Variants in FAR1 observed in about 807,000 individuals in gnomAD.
The protein encoded by FAR1 is fatty acyl-CoA reductase 1, also known as male sterility domain-containing protein 2.
Under a neutral mutation model 61.1 loss-of-function variants are expected in FAR1, and 22 were observed. That is an observed-to-expected ratio of 0.36 (90% CI 0.26 to 0.51). FAR1 has a LOEUF of 0.51. FAR1 is among the 20% of genes least tolerant of loss of function. The probability of loss-of-function intolerance (pLI) is 0.95; values close to 1 mark genes in which losing one functional copy is unlikely to be tolerated. For synonymous variants in FAR1, 206 were observed against 209.7 expected (o/e 0.98, Z 0.15); for missense variants, 359 against 626.9 (o/e 0.57, Z 4.56).
chr11:13,700,291 AAAT>A (rs775981545), intron 2 of FAR1, 23 bp from the exon 3 acceptor site: 9 of 1,537,056 alleles, frequency 5.9e-6, no homozygotes, highest in Non-Finnish European at 7.9e-6. Context: ...TACTGCTGTA[AAAT>A]AAATATTTTT....
intron 1 of FAR1, among the ~76,000 whole-genome samples, chr11:13,686,139 G>A (rs945709921): frequency 9.2e-5 from 14 of 152,296 alleles, no homozygotes; most frequent in Admixed American, 6.5e-4. Context: ...CCGTATAGAC[G>A]TGCTGAGGGA....
intron 10 of FAR1, among the ~76,000 whole-genome samples, chr11:13,725,589 T>A (rs1367671598): frequency 6.6e-6 from 1 of 152,196 alleles, no homozygotes; most frequent in Non-Finnish European, 1.5e-5. Flanking sequence ...TTATTTACTA[T>A]TTATCAAATT....
At chr11:13,703,585 T>C (rs1205570070) in intron 3 of FAR1, among the ~76,000 whole-genome samples, 2 of 152,080 alleles carry the variant, frequency 1.3e-5, no homozygotes, top group African/African-American at 4.8e-5. Context: ...AAAATAACCA[T>C]AATGTAGGAT....
chr11:13,727,741 T>A, intron 11 of FAR1, 58 bp downstream of exon 11: 1 of 1,496,934 alleles, frequency 6.7e-7, no homozygotes, highest in Non-Finnish European at 8.9e-7. Context: ...TATTCCACAA[T>A]TTTTTTGGTA....
At chr11:13,698,093 C>A (rs561080039) in intron 2 of FAR1, among the ~76,000 whole-genome samples, 1 of 152,278 alleles carries the variant, frequency 6.6e-6, no homozygotes, top group African/African-American at 2.4e-5. Flanking sequence ...TGAACTTAGA[C>A]CCACAAAGCC....
Position 13,721,645 on chromosome 11 carries a change from A to AG in FAR1, c.1128-80dup. ...ATTTTAATACTAATGTCTATATTAT[A>AG]GGGGGAAACTTGCACCCTGGGTGGT... On this transcript the variant is annotated intron_variant, in intron 9 of 11. Transcript: ENST00000354817. The surrounding 1 kb of genome is among the most constrained non-coding windows in gnomAD (Gnocchi z 4.2). 2.0e-6 allele frequency: 2 copies of AG among 1,022,740 alleles called. No homozygotes were observed. Among genetic ancestry groups the AG allele is most frequent in the Non-Finnish European group, 1.5e-6 (1 of 688,508 alleles). 63.4% of individuals were successfully genotyped at this position (1,022,740 alleles called of 1,614,324 possible).
chr11:13,708,196 A>C, intron 4 of FAR1, 117 bp downstream of exon 4: 4 of 619,540 alleles, frequency 6.5e-6, no homozygotes, highest in Non-Finnish European at 9.9e-6. Flanking sequence ...ACCCCATCTC[A>C]CTAAAAATAC....
chr11:13,708,422 C>T (rs543922796), intron 4 of FAR1, among the ~76,000 whole-genome samples: 154 of 144,672 alleles, frequency 1.1e-3, no homozygotes, highest in African/African-American at 3.6e-3. Flanking sequence ...CTCACCCCAC[C>T]CCATATACAT....
chr11:13,693,359 CT>C (rs915982651), intron 1 of FAR1, among the ~76,000 whole-genome samples: 1 of 152,086 alleles, frequency 6.6e-6, no homozygotes, highest in African/African-American at 2.4e-5. Flanking sequence ...ATGCTTTTTT[CT>C]TTTGTTTGTT....
intron 1 of FAR1, among the ~76,000 whole-genome samples, chr11:13,678,835 CTGCCTTGG>C (rs1565338513): frequency 3.9e-5 from 6 of 152,118 alleles, no homozygotes; most frequent in African/African-American, 1.4e-4. Flanking sequence ...ACCACAAATG[CTGCCTTGG>C]AGGACTGAGT....
intron 2 of FAR1, among the ~76,000 whole-genome samples, chr11:13,699,636 T>C (rs1848348253): frequency 6.6e-6 from 1 of 152,214 alleles, no homozygotes; most frequent in Non-Finnish European, 1.5e-5. Flanking sequence ...TGACTCACAA[T>C]TGAATATGCC....
At position 13,694,902 on chromosome 11, in the gene FAR1, A is replaced by G; in HGVS notation, c.137A>G (p.Gln46Arg). ...KVNSVYVLVRQKAGQTPQERV... is the reference protein window; with the variant it reads ...KVNSVYVLVRRKAGQTPQERV... ...AATTCAGTATATGTTTTGGTGAGGCAGAAAGCTGGACAGACACCACAAGAG... is the reference window on the plus strand; with the variant it reads ...AATTCAGTATATGTTTTGGTGAGGCGGAAAGCTGGACAGACACCACAAGAG... The change falls in exon 2 of 12, where the codon CAG becomes CGG. Residue 46 changes from glutamine (Q) to arginine (R), a missense_variant. By Grantham distance (43) the Gln-to-Arg change is conservative. This residue lies in a region of FAR1 where 344 missense variants were observed against 570.3 expected (regional missense o/e 0.60). Transcript: ENST00000354817. The G allele has an allele frequency of 6.2e-7, 1 of 1,614,094 alleles. No individual in the cohort carries two copies. The highest frequency in any genetic ancestry group is 8.5e-7 in the Non-Finnish European group (1 of 1,179,956).
chr11:13,703,119 C>G (rs1277489453), intron 3 of FAR1, among the ~76,000 whole-genome samples: 1 of 152,190 alleles, frequency 6.6e-6, no homozygotes, highest in Non-Finnish European at 1.5e-5. Context: ...GTCAGACACT[C>G]TATAATACTC....
intron 1 of FAR1, among the ~76,000 whole-genome samples, chr11:13,682,883 A>T (rs1297684108): frequency 1.3e-5 from 2 of 151,642 alleles, no homozygotes; most frequent in African/African-American, 2.4e-5. Flanking sequence ...CAGTGCCGGG[A>T]TTACAGGCAT....
chr11:13,678,485 C>T (rs1295749570), intron 1 of FAR1, among the ~76,000 whole-genome samples: 11 of 152,090 alleles, frequency 7.2e-5, no homozygotes, highest in African/African-American at 2.4e-4. Context: ...AGGACGGTCT[C>T]GATCTCCTGA....
At chr11:13,686,204 T>TGA (rs938878478) in intron 1 of FAR1, among the ~76,000 whole-genome samples, 1 of 152,186 alleles carries the variant, frequency 6.6e-6, no homozygotes, top group Non-Finnish European at 1.5e-5. Flanking sequence ...TCTGAAGGCA[T>TGA]GAGAGAGAGA....
intron 1 of FAR1, among the ~76,000 whole-genome samples, chr11:13,683,010 T>A (rs1848145336): frequency 6.6e-6 from 1 of 152,202 alleles, no homozygotes; most frequent in Non-Finnish European, 1.5e-5. Flanking sequence ...TTAACGTAAC[T>A]TTCTATCTGC....
chr11:13,700,020 T>C (rs990336124), intron 2 of FAR1, among the ~76,000 whole-genome samples: 2 of 152,172 alleles, frequency 1.3e-5, no homozygotes, highest in African/African-American at 4.8e-5. Flanking sequence ...TACAATCTAA[T>C]CAGCCAAGGC....
At position 13,721,182 on chromosome 11, in the gene FAR1, C is replaced by G. The variant is rs1276479456; in HGVS notation, c.1128-548C>G. 1.3e-4 allele frequency: 20 copies of G among 152,156 alleles called. No homozygotes were observed. The highest frequency in any genetic ancestry group is 1.3e-3 in the Admixed American group (20 of 15,252). 9.4% of individuals were successfully genotyped at this position (152,156 alleles called of 1,614,324 possible). On this transcript the variant is annotated intron_variant, in intron 9 of 11. Transcript: ENST00000354817. The surrounding 1 kb of genome is among the most constrained non-coding windows in gnomAD (Gnocchi z 4.2). The stretch of plus-strand genomic sequence containing the variant: ...CCAGATGATCAAGAGTGGTGCCAAT[C>G]ATTGTTAAAGAAAAGTTGTTTTGTT...
Sources: gnomAD v4.1 joint callset for allele counts (sites outside exome capture counted in the v4.1 genomes callset) on GRCh38, gnomAD v4.1.1 for gene constraint, gnomAD v4.1.1 regional missense constraint, Gnocchi (gnomAD v3.1) non-coding constraint, MANE v1.5 for transcripts, NCBI Gene and HGNC (gene_info 2026-07-23, HGNC 2026-07-21) for gene names.